The following AHRR variants were observed in gnomAD, a reference collection of about 807,000 sequenced individuals.
AHRR encodes aryl hydrocarbon receptor repressor.
Under a neutral mutation model 44.0 loss-of-function variants are expected in AHRR, and 28 were observed. The ratio of observed to expected loss-of-function variants is 0.64; its 90% confidence interval spans 0.47 to 0.87. The LOEUF (loss-of-function observed/expected upper bound fraction) is 0.87. Ranked by LOEUF, AHRR falls within the 40% of genes least tolerant of loss-of-function variation. The pLI is 0.00. For synonymous variants in AHRR, 434 were observed against 407.0 expected, an observed-to-expected ratio of 1.07 and a Z score of -0.80; for missense variants, 990 against 953.9, an observed-to-expected ratio of 1.04 and a Z score of -0.50.
rs1736088087 is a variant in AHRR, at chr5:421,085, G to T, written c.442-1644G>T. 6 of 543,574 alleles carry T rather than the reference G, an allele frequency of 1.1e-5. No individual in the cohort carries two copies. The East Asian group carries it at 2.1e-4, about 19-fold the overall frequency. 33.7% of individuals were successfully genotyped at this position (543,574 alleles called of 1,614,324 possible). A position where few individuals can be genotyped will look rare whatever the true frequency, so the allele number is the denominator to read the frequency against. ...CGACTAAAAGATAAAGAGGGAAAAG[G>T]ACAAACATTGGCCAGAAGGTGCAGC... is the stretch of plus-strand genomic sequence containing the variant. On this transcript the variant is annotated intron_variant, in intron 5 of 10. Transcript: ENST00000684583.
intron 3 of AHRR, among the ~76,000 whole-genome samples, chr5:361,717 A>G (rs1286352887): frequency 1.3e-5 from 2 of 152,134 alleles, no homozygotes; most frequent in African/African-American, 2.4e-5. Flanking sequence ...GCCTTTTGCA[A>G]TGGGGAGTTC....
chr5:408,881 GT>G (rs903950563), intron 4 of AHRR, among the ~76,000 whole-genome samples: 1 of 152,116 alleles, frequency 6.6e-6, no homozygotes, highest in Non-Finnish European at 1.5e-5. Flanking sequence ...TTTAAGCTTG[GT>G]ATCTCTAATG....
intron 1 of AHRR, chr5:343,657 C>A: frequency 2.0e-6 from 1 of 497,160 alleles, no homozygotes; most frequent in South Asian, 2.6e-5. Flanking sequence ...GGCCGGGACC[C>A]GCCTGACACC....
intron 2 of AHRR, 55 bp downstream of exon 2, chr5:344,019 G>A (rs1049719294): frequency 9.7e-6 from 15 of 1,547,844 alleles, no homozygotes; most frequent in Non-Finnish European, 1.3e-5. Context: ...GAAGGGGAGG[G>A]TTGGGGTTTG....
intron 2 of AHRR, among the ~76,000 whole-genome samples, 159 bp from the exon 3 acceptor site, chr5:353,571 T>C (rs892525760): frequency 6.6e-6 from 1 of 152,202 alleles, no homozygotes; most frequent in Non-Finnish European, 1.5e-5. Context: ...TTAGTGTCTA[T>C]GTCTTGAGGC....
At chr5:415,648 C>CCGAATCTCCCTGGTCGGGT (rs1560916386) in intron 5 of AHRR, among the ~76,000 whole-genome samples, 1 of 105,206 alleles carries the variant, frequency 9.5e-6, no homozygotes. Flanking sequence ...CCTGGTGGGG[C>CCGAATCTCCCTGGTCGGGT]GGGAGGCCTA....
At chr5:352,975 C>T (rs539941343) in intron 2 of AHRR, among the ~76,000 whole-genome samples, 2 of 152,188 alleles carry the variant, frequency 1.3e-5, no homozygotes, top group East Asian at 1.9e-4. Context: ...GAGAGGGTCA[C>T]GCCAAGCTCC....
At chr5:378,891 G>A (rs187236234) in intron 4 of AHRR, among the ~76,000 whole-genome samples, 3 of 152,280 alleles carry the variant, frequency 2.0e-5, no homozygotes, top group South Asian at 2.1e-4. Context: ...TCAAGTGTAT[G>A]GTTACTGCAG....
At chr5:374,091 C>A (rs561675281) in intron 3 of AHRR, among the ~76,000 whole-genome samples, 9 of 152,266 alleles carry the variant, frequency 5.9e-5, no homozygotes, top group South Asian at 2.1e-4. Context: ...GCGACCCCTG[C>A]AATGGGGCTT....
rs1743526871 is a variant in AHRR, at chr5:370,239, G to A, written c.245-6371G>A. Among the ~76,000 whole-genome samples, 1 of 151,672 alleles carries A rather than the reference G, an allele frequency of 6.6e-6. No homozygotes were observed. Among genetic ancestry groups the A allele is most frequent in the African/African-American group, 2.4e-5 (1 of 41,260 alleles). On this transcript the variant is annotated intron_variant, in intron 3 of 10. Transcript: ENST00000684583. This position sits in a 1 kb window ranked among gnomAD's most constrained non-coding sequence, Gnocchi z 4.5. ...CCTCGCTGGAAGCCCCGTCCTCCCGGGCCCTCGCTGGTGCCCCGACCTCCT... is the reference window on the plus strand; with the variant it reads ...CCTCGCTGGAAGCCCCGTCCTCCCGAGCCCTCGCTGGTGCCCCGACCTCCT...
chr5:365,048 G>T (rs1743310393), intron 3 of AHRR, among the ~76,000 whole-genome samples: 1 of 151,470 alleles, frequency 6.6e-6, no homozygotes, highest in Non-Finnish European at 1.5e-5. Flanking sequence ...TCATCAGAGA[G>T]AAATATTTTA....
chr5:426,591 A>G (rs963482944), intron 7 of AHRR, among the ~76,000 whole-genome samples: 1 of 150,518 alleles, frequency 6.6e-6, no homozygotes. Flanking sequence ...AGGTGCATAG[A>G]TGGACAAATG....
intron 10 of AHRR, 61 bp downstream of exon 10, chr5:433,008 A>G: frequency 6.6e-7 from 1 of 1,505,028 alleles, no homozygotes; most frequent in Non-Finnish European, 8.9e-7. Flanking sequence ...CGTGGAGGCC[A>G]AAGAGCGGGT....
Position 429,323 on chromosome 5 carries a change from GC to G in AHRR, c.908+1319del, listed in dbSNP as rs772937105. On this transcript the variant is annotated intron_variant, in intron 8 of 10. Transcript: ENST00000684583. ...GAGAATCTTGCAGGAGTGAGGTAGG[GC>G]CGGGGCCGCCAGGATGCCGGAGATC... 5.8e-3 allele frequency among the ~76,000 whole-genome samples: 777 copies of G among 132,860 alleles called. 9 individuals carry two copies. Among genetic ancestry groups the G allele is most frequent in the Non-Finnish European group, 9.9e-3 (584 of 58,782 alleles). 87.2% of individuals were successfully genotyped at this position (132,860 alleles called of 152,430 possible).
At chr5:400,819 A>T (rs1163334815) in intron 4 of AHRR, among the ~76,000 whole-genome samples, 1 of 152,270 alleles carries the variant, frequency 6.6e-6, no homozygotes, top group Non-Finnish European at 1.5e-5. Context: ...TTTTTTAAGA[A>T]GACATTTTAT....
chr5:386,644 A>C (rs780296214), intron 4 of AHRR, among the ~76,000 whole-genome samples: 1 of 152,250 alleles, frequency 6.6e-6, no homozygotes, highest in African/African-American at 2.4e-5. Flanking sequence ...TCCTCGCTTT[A>C]GCCCACGGAG....
At chr5:322,312 G>GGC (rs1431241548) in intron 1 of AHRR, among the ~76,000 whole-genome samples, 2 of 152,190 alleles carry the variant, frequency 1.3e-5, no homozygotes, top group African/African-American at 2.4e-5. Context: ...AGAGCGATGT[G>GGC]GCGCCTGGAG....
Position 400,428 on chromosome 5 carries a change from G to A in AHRR, c.352-12916G>A, listed in dbSNP as rs138679598. Among the ~76,000 whole-genome samples, 429 of 152,202 alleles carry A rather than the reference G, an allele frequency of 2.8e-3. 3 individuals are homozygous for A. Among genetic ancestry groups the A allele is most frequent in the African/African-American group, 9.9e-3 (411 of 41,520 alleles). ...GTTGTCCTTGCGAAGTGGCAGGTGC[G>A]CCGTTTCCTGACGTTCAGTAACAGC... On this transcript the variant is annotated intron_variant, in intron 4 of 10. Transcript: ENST00000684583.
intron 4 of AHRR, among the ~76,000 whole-genome samples, chr5:401,345 G>C (rs545500342): frequency 1.3e-5 from 2 of 152,320 alleles, no homozygotes; most frequent in Admixed American, 6.5e-5. Flanking sequence ...TAGAGAAAGG[G>C]CCTCGATGCC....
Sources: allele counts gnomAD v4.1 joint callset (sites outside exome capture counted in the v4.1 genomes callset), GRCh38; gene constraint gnomAD v4.1.1; non-coding constraint Gnocchi (gnomAD v3.1); transcripts MANE v1.5; gene names NCBI Gene and HGNC (gene_info 2026-07-23, HGNC 2026-07-21).